Variants in KCNJ1 observed in about 807,000 individuals in gnomAD.
KCNJ1 encodes potassium inwardly rectifying channel subfamily J member 1.
A neutral mutation model predicts 21.9 loss-of-function variants in KCNJ1; 24 were observed. That is an observed-to-expected ratio of 1.10 (90% confidence interval 0.79 to 1.54). The LOEUF (loss-of-function observed/expected upper bound fraction) is 1.54, where lower values mean the gene tolerates loss of function less well. KCNJ1 is among the 40% of genes most tolerant of loss of function. KCNJ1 has a pLI of 0.00. For missense variants in KCNJ1, 457 were observed against 455.4 expected, an observed-to-expected ratio of 1.00 and a Z score of -0.03; for synonymous variants, 152 against 160.9, an observed-to-expected ratio of 0.94 and a Z score of 0.42.
chr11:128,845,519 C>T (rs960138664), intron 2 of KCNJ1, among the ~76,000 whole-genome samples: 1 of 152,186 alleles, frequency 6.6e-6, no homozygotes, highest in Non-Finnish European at 1.5e-5. Flanking sequence ...TTCAGAGCCC[C>T]GAGAAGCAGT....
intron 1 of KCNJ1, among the ~76,000 whole-genome samples, chr11:128,859,096 T>A (rs906205756): frequency 6.6e-6 from 1 of 152,208 alleles, no homozygotes; most frequent in Non-Finnish European, 1.5e-5. Flanking sequence ...ACTTGTTGAA[T>A]CTCTGTCACA....
At chr11:128,841,476 G>A (rs761896184) in intron 2 of KCNJ1, among the ~76,000 whole-genome samples, 1 of 152,152 alleles carries the variant, frequency 6.6e-6, no homozygotes, top group Non-Finnish European at 1.5e-5. Context: ...ACCTGACAGT[G>A]GTGAAACCCA....
At chr11:128,860,264 G>A (rs1943680013) in intron 1 of KCNJ1, among the ~76,000 whole-genome samples, 1 of 152,222 alleles carries the variant, frequency 6.6e-6, no homozygotes, top group Non-Finnish European at 1.5e-5. Context: ...TGGATTTATG[G>A]CAAGAGGGAC....
At chr11:128,854,329 C>T (rs902314197) in intron 1 of KCNJ1, among the ~76,000 whole-genome samples, 2 of 152,160 alleles carry the variant, frequency 1.3e-5, no homozygotes, top group Admixed American at 1.3e-4. Context: ...TTGCCCATAG[C>T]CCTTGTTGTA....
chr11:128,860,262 T>C (rs1943679937), intron 1 of KCNJ1, among the ~76,000 whole-genome samples: 1 of 152,202 alleles, frequency 6.6e-6, no homozygotes, highest in African/African-American at 2.4e-5. Flanking sequence ...CTTGGATTTA[T>C]GGCAAGAGGG....
At chr11:128,855,003 T>A (rs1943559327) in intron 1 of KCNJ1, among the ~76,000 whole-genome samples, 1 of 152,198 alleles carries the variant, frequency 6.6e-6, no homozygotes, top group South Asian at 2.1e-4. Context: ...AGGCTTGAAT[T>A]CCAGCTCTGC....
intron 1 of KCNJ1, among the ~76,000 whole-genome samples, chr11:128,851,938 G>A (rs77832500): frequency 5.3e-5 from 8 of 152,324 alleles, no homozygotes; most frequent in Non-Finnish European, 8.8e-5. Context: ...TGGGTTTGGA[G>A]AGGGATTTGG....
At chr11:128,849,789 A>G (rs1943449505) in intron 2 of KCNJ1, among the ~76,000 whole-genome samples, 1 of 152,074 alleles carries the variant, frequency 6.6e-6, no homozygotes, top group Admixed American at 6.5e-5. Flanking sequence ...ACACTTAGGG[A>G]CATCTGTAGG....
rs368003957 is a variant in KCNJ1, at chr11:128,839,170, G to A, written c.1074C>T (p.Asn358=). The A allele has an allele frequency of 3.1e-6, 5 of 1,614,154 alleles. No homozygotes were observed. Among genetic ancestry groups the A allele is most frequent in the Admixed American group, 3.3e-5 (2 of 60,020 alleles). Residue 358 remains asparagine (N), a synonymous_variant, in exon 3 of 3, where the codon AAC becomes AAT. Transcript: ENST00000392666. ...ARMKRGYDNP[N]FILSEVNETD... is the part of the protein sequence containing the mutation. ...TTTCATTGACTTCTGACAAGATGAA[G>A]TTGGGGTTGTCATAGCCTCTCTTCA...
At chr11:128,860,675 G>A (rs975853214) in intron 1 of KCNJ1, among the ~76,000 whole-genome samples, 3 of 152,214 alleles carry the variant, frequency 2.0e-5, no homozygotes, top group Non-Finnish European at 4.4e-5. Context: ...GAAACAGGGT[G>A]ACCCCAAGGG....
At chr11:128,842,299 C>G (rs941213624) in intron 2 of KCNJ1, 1 of 1,441,572 alleles carries the variant, frequency 6.9e-7, no homozygotes, top group Admixed American at 1.7e-5. Flanking sequence ...ACTTGAATAA[C>G]GTTGAGTTTC....
chr11:128,845,367 G>A (rs1320429170), intron 2 of KCNJ1, among the ~76,000 whole-genome samples: 1 of 152,222 alleles, frequency 6.6e-6, no homozygotes, highest in Non-Finnish European at 1.5e-5. Context: ...AAGGTTGGGT[G>A]GGTGTTGGGC....
chr11:128,849,790 C>T (rs911257453), intron 2 of KCNJ1, among the ~76,000 whole-genome samples: 5 of 152,182 alleles, frequency 3.3e-5, no homozygotes, highest in Admixed American at 6.5e-5. Flanking sequence ...CACTTAGGGA[C>T]ATCTGTAGGC....
intron 1 of KCNJ1, among the ~76,000 whole-genome samples, chr11:128,859,430 G>T (rs1943656937): frequency 6.6e-6 from 1 of 152,128 alleles, no homozygotes; most frequent in Non-Finnish European, 1.5e-5. Flanking sequence ...TGTATTGATT[G>T]TAGAGATGAG....
chr11:128,853,480 G>A (rs867097937), intron 1 of KCNJ1, among the ~76,000 whole-genome samples: 2 of 152,220 alleles, frequency 1.3e-5, no homozygotes, highest in Middle Eastern at 3.2e-3. Flanking sequence ...GAGTTAGACT[G>A]GTGGCTGCCA....
chr11:128,864,215 A>G (rs1413188567), intron 1 of KCNJ1, among the ~76,000 whole-genome samples: 2 of 151,114 alleles, frequency 1.3e-5, no homozygotes, highest in Non-Finnish European at 1.5e-5. Flanking sequence ...GCCCCCTGAG[A>G]AGCTGGGACT....
At chr11:128,842,313 G>A (rs1943296003) in intron 2 of KCNJ1, 46 of 1,531,220 alleles carry the variant, frequency 3.0e-5, no homozygotes, top group Non-Finnish European at 4.1e-5. Context: ...GAGTTTCCAT[G>A]ACTGCATTAA....
chr11:128,857,851 A>G (rs1318657329), intron 1 of KCNJ1, among the ~76,000 whole-genome samples: 1 of 152,234 alleles, frequency 6.6e-6, no homozygotes, highest in Non-Finnish European at 1.5e-5. Flanking sequence ...AGTGAGTAAT[A>G]GCACATAGAT....
intron 1 of KCNJ1, among the ~76,000 whole-genome samples, chr11:128,863,066 G>T (rs2855798): frequency 0.21 from 32,278 of 152,158 alleles, 3,692 homozygotes; most frequent in South Asian, 0.31. Context: ...TTAATCAAGG[G>T]CAACGAACCA....
Sources: allele counts gnomAD v4.1 joint callset (sites outside exome capture counted in the v4.1 genomes callset), GRCh38; gene constraint gnomAD v4.1.1; transcripts MANE v1.5; gene names NCBI Gene and HGNC (gene_info 2026-07-23, HGNC 2026-07-21).